CCT4: variants seen among roughly 807,000 people sequenced by gnomAD.
The protein encoded by CCT4 is T-complex protein 1 subunit delta.
In CCT4, 17 loss-of-function variants were observed where a neutral mutation model predicts 62.5. The ratio of observed to expected loss-of-function variants is 0.27; its 90% CI spans 0.19 to 0.41. The LOEUF (loss-of-function observed/expected upper bound fraction) is 0.41, where lower values mean the gene tolerates loss of function less well. Among genes scored for constraint, CCT4 ranks in the 10% least tolerant of loss-of-function variants. CCT4 has a pLI of 1.00. For missense variants in CCT4, 592 were observed against 659.2 expected, an observed-to-expected ratio of 0.90 and a Z score of 1.12; for synonymous variants, 250 against 229.9, an observed-to-expected ratio of 1.09 and a Z score of -0.79.
At chr2:61,873,347 T>C in intron 8 of CCT4, 54 bp from the exon 9 acceptor site, 1 of 838,774 alleles carries the variant, frequency 1.2e-6, no homozygotes, top group Non-Finnish European at 2.0e-6. Flanking sequence ...AATTTTGCTC[T>C]TCAAATGCCT....
At chr2:61,881,808 C>G (rs1282040883) in intron 3 of CCT4, among the ~76,000 whole-genome samples, 1 of 151,684 alleles carries the variant, frequency 6.6e-6, no homozygotes, top group Non-Finnish European at 1.5e-5. Context: ...ATTTTCTTAT[C>G]ATTGGATATT....
chr2:61,877,397 GCTT>G lies in CCT4; in HGVS notation c.637_639del (p.Lys213del), dbSNP rs756672679. On this transcript the variant is annotated inframe_deletion, in exon 6 of 14. Coordinates refer to ENST00000394440, the MANE Select transcript of CCT4 (RefSeq NM_006430.4). Reference sequence around the variant, plus strand: ...GTTGTAATTAGAGATGCTTACCCAAGCTTCTTAACTATTTTAATATCTCTAAGA... The same window carrying G: ...GTTGTAATTAGAGATGCTTACCCAAGCTTAACTATTTTAATATCTCTAAGA... 1.3e-6 allele frequency: 2 copies of G among 1,599,210 alleles called. No individual in the cohort carries two copies. Among genetic ancestry groups the G allele is most frequent in the East Asian group, 2.2e-5 (1 of 44,694 alleles).
Position 61,868,516 on chromosome 2 carries a change from C to A in CCT4, c.*176G>T. 3 of 504,802 alleles carry A rather than the reference C, an allele frequency of 5.9e-6. No homozygotes were observed. Among genetic ancestry groups the A allele is most frequent in the South Asian group, 3.6e-5 (1 of 27,732 alleles). 31.3% of individuals were successfully genotyped at this position (504,802 alleles called of 1,614,324 possible). On this transcript the variant is annotated 3_prime_UTR_variant, in exon 14 of 14. Coordinates refer to ENST00000394440, the MANE Select transcript of CCT4 (RefSeq NM_006430.4). Reference sequence around the variant, plus strand: ...AGAAGATAAATCTGCCTTTTGAAACCAAATATTTAATATTTTCATTAAATT... The same window carrying A: ...AGAAGATAAATCTGCCTTTTGAAACAAAATATTTAATATTTTCATTAAATT...
chr2:61,879,116 T>A, intron 4 of CCT4, 105 bp from the exon 5 acceptor site: 1 of 741,516 alleles, frequency 1.3e-6, no homozygotes, highest in South Asian at 1.9e-5. Flanking sequence ...CAAATTTAAC[T>A]ATTCTTAATT....
chr2:61,878,931 G>T lies in CCT4; in HGVS notation c.460C>A (p.Pro154Thr), dbSNP rs949226595. 6.2e-7 allele frequency: 1 copy of T among 1,611,076 alleles called. No homozygotes were observed. Among genetic ancestry groups the T allele is most frequent in the South Asian group, 1.1e-5 (1 of 90,902 alleles). ...GIEILTDMSR[P>T]VELSDRETLL... is the part of the protein sequence containing the mutation. ...GTTTCTCTGTCACTCAGTTCCACAG[G>T]TCGAGACATGTCAGTCAAGATTTCA... The change falls in exon 5 of 14, where the codon CCT becomes ACT. Residue 154 changes from proline to threonine, a missense_variant. By Grantham distance (38) the Pro-to-Thr change is conservative. This residue lies in a region of CCT4 where 522 missense variants were observed against 571.2 expected (regional missense o/e 0.91). Transcript: ENST00000394440.
chr2:61,881,048 T>C (rs977827153), intron 3 of CCT4, among the ~76,000 whole-genome samples: 1 of 151,944 alleles, frequency 6.6e-6, no homozygotes, highest in Non-Finnish European at 1.5e-5. Context: ...TTAAGAGTCT[T>C]TTGCCAAGTT....
intron 4 of CCT4, 35 bp downstream of exon 4, chr2:61,880,251 T>C: frequency 1.7e-6 from 2 of 1,167,244 alleles, no homozygotes; most frequent in Non-Finnish European, 2.4e-6. Flanking sequence ...TTTTTAAACT[T>C]TTCTTTATTC....
chr2:61,871,217 T>C (rs1668878271), intron 12 of CCT4, among the ~76,000 whole-genome samples: 1 of 151,990 alleles, frequency 6.6e-6, no homozygotes, highest in South Asian at 2.1e-4. Context: ...TTTGCATTTT[T>C]AGTAGAGACG....
intron 4 of CCT4, among the ~76,000 whole-genome samples, chr2:61,879,870 A>G (rs900120805): frequency 6.6e-6 from 1 of 151,844 alleles, no homozygotes; most frequent in African/African-American, 2.4e-5. Flanking sequence ...AGCTGGGATT[A>G]CAGGCACGCG....
rs373666408 is a variant in CCT4 at position 61,873,101 on chromosome 2, G to C, written c.1026C>G (p.Thr342=). The part of the protein sequence containing the change: ...DIEFICKTIG[T]KPVAHIDQFT... ...ATTGGTCAATATGAGCAACTGGCTTGGTTCCAATTGTCTGGAAAAAACAGT... is the reference window on the plus strand; with the variant it reads ...ATTGGTCAATATGAGCAACTGGCTTCGTTCCAATTGTCTGGAAAAAACAGT... Residue 342 remains threonine (T), a synonymous_variant, in exon 10 of 14, where the codon ACC becomes ACG. Transcript: ENST00000394440. 1 of 1,604,892 alleles carries C rather than the reference G, an allele frequency of 6.2e-7. No homozygotes were observed. The highest frequency in any genetic ancestry group is 1.3e-5 in the African/African-American group (1 of 74,824).
chr2:61,869,681 T>C, intron 12 of CCT4, 128 bp from the exon 13 acceptor site: 2 of 636,518 alleles, frequency 3.1e-6, no homozygotes, highest in South Asian at 3.7e-5. Context: ...TAGAATATGA[T>C]ACTCTACTAA....
At position 61,872,571 on chromosome 2, in the gene CCT4, G is replaced by A; in HGVS notation, c.1143C>T (p.Ser381=). 2.5e-6 allele frequency: 4 copies of A among 1,613,892 alleles called. No homozygotes were observed. The highest frequency in any genetic ancestry group is 3.4e-6 in the Non-Finnish European group (4 of 1,179,906). Residue 381 remains serine (S), a synonymous_variant, in exon 11 of 14, where the codon AGC becomes AGT. Transcript: ENST00000394440. ...CAACAATTGTAACTGTTTTTCCAGG[G>A]CTGGCACAGCCTGTAATCTTCAGTA... ...GKLLKITGCA[S]PGKTVTIVVR...
rs11429418 is a variant in CCT4 at position 61,885,086 on chromosome 2, G to GC, written c.128-15_128-14insG. The GC allele has an allele frequency of 2.1e-6, 3 of 1,452,358 alleles. No individual in the cohort carries two copies. Among genetic ancestry groups the GC allele is most frequent in the African/African-American group, 1.5e-5 (1 of 66,660 alleles). The allele number at this position is 1,452,358 out of a possible 1,614,324, so 90.0% of individuals were successfully genotyped here. On this transcript the variant is annotated splice_polypyrimidine_tract_variant and intron_variant, in intron 1 of 13. Transcript: ENST00000394440. The stretch of plus-strand genomic sequence containing the variant: ...CATCAGCAACCGCTGCAGATGGGGG[G>GC]GAAAAAAAAGAAAACAAATTAGAAC...
At chr2:61,880,168 A>C (rs1346123100) in intron 4 of CCT4, 118 bp downstream of exon 4, 1 of 497,528 alleles carries the variant, frequency 2.0e-6, no homozygotes, top group Non-Finnish European at 3.5e-6. Context: ...TCTTGGTAAA[A>C]AGATTAGTTA....
chr2:61,884,422 G>A (rs1669201798), intron 2 of CCT4, among the ~76,000 whole-genome samples: 2 of 151,854 alleles, frequency 1.3e-5, no homozygotes, highest in African/African-American at 2.4e-5. Flanking sequence ...TCCTGCCTCA[G>A]TCTCCCACCT....
Position 61,872,229 on chromosome 2 carries a change from G to C in CCT4, c.1344C>G (p.Ser448=). The C allele has an allele frequency of 6.2e-7, 1 of 1,613,768 alleles. No homozygotes were observed. The highest frequency in any genetic ancestry group is 8.5e-7 in the Non-Finnish European group (1 of 1,179,766). ...CATCTGCAAAAGCACGAACGCAGTA[G>C]GATTCCATACCACTCAGTGTTCGTG... is the stretch of plus-strand genomic sequence containing the variant. ...EYSRTLSGME[S]YCVRAFADAM... Residue 448 remains serine, a synonymous_variant, in exon 12 of 14, where the codon TCC becomes TCG. Transcript: ENST00000394440.
intron 1 of CCT4, among the ~76,000 whole-genome samples, chr2:61,887,338 G>A (rs1572929519): frequency 1.3e-5 from 2 of 152,130 alleles, no homozygotes; most frequent in Admixed American, 6.6e-5. Context: ...TTATATACGT[G>A]GGTCTTTATA....
chr2:61,870,074 G>A (rs1303105326), intron 12 of CCT4, among the ~76,000 whole-genome samples: 1 of 149,982 alleles, frequency 6.7e-6, no homozygotes, highest in Non-Finnish European at 1.5e-5. Context: ...TCAGGAGATC[G>A]AGACCATCCT....
chr2:61,878,983 T>C lies in CCT4; in HGVS notation c.408A>G (p.Ser136=). The change falls in exon 5 of 14, where the codon TCA becomes TCG. Residue 136 remains serine (S), a synonymous_variant. Transcript: ENST00000394440. ...KGIHPTIISE[S]FQKALEKGIE... ...TGCCCTTTTCCAGGGCCTTCTGGAATGACTCAGAAATGATGGTTGGATGAA... is the reference window on the plus strand; with the variant it reads ...TGCCCTTTTCCAGGGCCTTCTGGAACGACTCAGAAATGATGGTTGGATGAA... The C allele has an allele frequency of 6.2e-7, 1 of 1,609,552 alleles. No individual in the cohort carries two copies. Among genetic ancestry groups the C allele is most frequent in the East Asian group, 2.2e-5 (1 of 44,672 alleles).
Sources: gnomAD v4.1 joint callset for allele counts (sites outside exome capture counted in the v4.1 genomes callset) on GRCh38, gnomAD v4.1.1 for gene constraint, gnomAD v4.1.1 regional missense constraint, MANE v1.5 for transcripts, NCBI Gene and HGNC (gene_info 2026-07-23, HGNC 2026-07-21) for gene names.